The following SPOCD1 variants were observed in gnomAD, a reference collection of about 807,000 sequenced individuals.
SPOCD1 encodes the protein SPOC domain containing 1.
In SPOCD1, 64 loss-of-function variants were observed where a neutral mutation model predicts 92.2. That is an observed-to-expected ratio of 0.69 (90% CI 0.57 to 0.86). The LOEUF is 0.86. Ranked by LOEUF, SPOCD1 falls within the 40% of genes least tolerant of loss-of-function variation. The pLI is 0.00. For missense variants in SPOCD1, 1,360 were observed against 1,543.1 expected, an observed-to-expected ratio of 0.88 and a Z score of 1.99; for synonymous variants, 578 against 619.3, an observed-to-expected ratio of 0.93 and a Z score of 0.99.
chr1:31,809,437 G>A (rs1030556582), intron 2 of SPOCD1, among the ~76,000 whole-genome samples: 1 of 151,386 alleles, frequency 6.6e-6, no homozygotes, highest in South Asian at 2.1e-4. Flanking sequence ...CTATAACCTG[G>A]CAATTCCACC....
chr1:31,800,310 A>T, intron 4 of SPOCD1, 131 bp downstream of exon 4: 1 of 1,424,572 alleles, frequency 7.0e-7, no homozygotes, highest in Non-Finnish European at 9.4e-7. Context: ...CTGGGGCCGA[A>T]CCCTGCCTCT....
At position 31,790,600 on chromosome 1, in the gene SPOCD1, G is replaced by A. The variant is rs1222704024; in HGVS notation, c.*3C>T. 1 of 1,551,360 alleles carries A rather than the reference G, an allele frequency of 6.4e-7. No individual in the cohort carries two copies. The highest frequency in any genetic ancestry group is 2.4e-5 in the East Asian group (1 of 40,924). ...AAACCCCTGTTCTGGTGGGTAAGGA[G>A]GGTCAGGCCTTTCTAGGGAAGGGAC... is the stretch of plus-strand genomic sequence containing the variant. On this transcript the variant is annotated 3_prime_UTR_variant, in exon 16 of 16. Transcript: ENST00000360482.
In SPOCD1 at chr1:31,800,153, G is replaced by C. The variant is rs1198891077; in HGVS notation, c.1603-12C>G. On this transcript the variant is annotated splice_polypyrimidine_tract_variant and intron_variant, in intron 4 of 15. Coordinates refer to ENST00000360482, the MANE Select transcript of SPOCD1 (RefSeq NM_144569.7). Reference sequence around the variant, plus strand: ...GAAGGCTGGAAAACCTTGGGGCAGGGAGCAGACAAGCTATTGGCCGGAAAT... The same window carrying C: ...GAAGGCTGGAAAACCTTGGGGCAGGCAGCAGACAAGCTATTGGCCGGAAAT... 1 of 1,586,794 alleles carries C rather than the reference G, an allele frequency of 6.3e-7. No individual in the cohort carries two copies. The highest frequency in any genetic ancestry group is 8.6e-7 in the Non-Finnish European group (1 of 1,168,236).
At chr1:31,799,684 A>G in intron 6 of SPOCD1, 125 bp downstream of exon 6, 2 of 1,296,438 alleles carry the variant, frequency 1.5e-6, no homozygotes, top group Non-Finnish European at 2.2e-6. Flanking sequence ...GGGAGGAGCT[A>G]TAGGCTGATG....
chr1:31,814,365 T>C lies in SPOCD1; in HGVS notation c.969A>G (p.Pro323=). Reference sequence around the variant, plus strand: ...CCCCCAGGCACAGTGCTGCGCTCTGTGGAGGAGCCTGTGCAGCTGAACTGA... The same window carrying C: ...CCCCCAGGCACAGTGCTGCGCTCTGCGGAGGAGCCTGTGCAGCTGAACTGA... The part of the protein sequence containing the change: ...ESLSSAAQAP[P]QSAALCLGAS... The change falls in exon 2 of 16, where the codon CCA becomes CCG. Residue 323 remains proline, a synonymous_variant. Transcript: ENST00000360482. This position sits in a 1 kb window ranked among gnomAD's most constrained non-coding sequence, Gnocchi z 4.2. The C allele has an allele frequency of 1.2e-6, 2 of 1,604,688 alleles. No homozygotes were observed. Among genetic ancestry groups the C allele is most frequent in the Non-Finnish European group, 8.5e-7 (1 of 1,174,792 alleles).
At position 31,799,473 on chromosome 1, in the gene SPOCD1, T is replaced by C. The variant is rs375033753; in HGVS notation, c.1796A>G (p.Gln599Arg). 1.9e-5 allele frequency: 30 copies of C among 1,611,098 alleles called. No individual in the cohort carries two copies. The Middle Eastern group carries it at 9.9e-4, about 53-fold the overall frequency. Residue 599 changes from glutamine (Q) to arginine (R), a missense_variant, in exon 7 of 16, where the codon CAG becomes CGG. By Grantham distance (43) the Gln-to-Arg change is conservative. Coordinates refer to ENST00000360482, the MANE Select transcript of SPOCD1 (RefSeq NM_144569.7). ...EQPEDSAQLQ[Q>R]EKPSLYIGVR... ...CCCAATATACAGGGATGGCTTCTCCTGTTGGAGCTGAGCTGTAGGGAGAGA... is the reference window on the plus strand; with the variant it reads ...CCCAATATACAGGGATGGCTTCTCCCGTTGGAGCTGAGCTGTAGGGAGAGA...
chr1:31,800,447 C>A lies in SPOCD1; in HGVS notation c.1596G>T (p.Gly532=), dbSNP rs778358051. 8.2e-6 allele frequency: 13 copies of A among 1,585,902 alleles called. No individual in the cohort carries two copies. The South Asian group carries it at 1.5e-4, about 18-fold the overall frequency. Reference sequence around the variant, plus strand: ...GACATCACTTGTTCTGTACCTGGCACCCAGCAGGGCCCTGCACCATGGGCC... The same window carrying A: ...GACATCACTTGTTCTGTACCTGGCAACCAGCAGGGCCCTGCACCATGGGCC... The part of the protein sequence containing the change: ...KKRPMVQGPA[G]CQVFQPSPSG... Residue 532 remains glycine (G), a synonymous_variant, in exon 4 of 16, where the codon GGG becomes GGT. Transcript: ENST00000360482.
chr1:31,796,467 T>C (rs1286650689), intron 10 of SPOCD1, 123 bp downstream of exon 10: 5 of 1,485,044 alleles, frequency 3.4e-6, no homozygotes, highest in African/African-American at 1.4e-5. Context: ...CCCCGTTTTA[T>C]CACAAACAAG....
chr1:31,812,983 G>A (rs920407052), intron 2 of SPOCD1, among the ~76,000 whole-genome samples: 4 of 152,216 alleles, frequency 2.6e-5, no homozygotes, highest in African/African-American at 7.2e-5. Flanking sequence ...GTCTTCTTCT[G>A]CCTTTGGTGT....
intron 12 of SPOCD1, 56 bp downstream of exon 12, chr1:31,793,691 G>T: frequency 5.0e-6 from 8 of 1,611,414 alleles, no homozygotes; most frequent in Non-Finnish European, 6.8e-6. Context: ...GCACCAGGTG[G>T]TGGCCTCCCC....
Position 31,800,532 on chromosome 1 carries a change from A to G in SPOCD1, c.1511T>C (p.Leu504Pro). 9.9e-6 allele frequency: 16 copies of G among 1,612,488 alleles called. No homozygotes were observed. The highest frequency in any genetic ancestry group is 1.4e-5 in the Non-Finnish European group (16 of 1,179,448). Residue 504 changes from leucine (L) to proline (P), a missense_variant, in exon 4 of 16, where the codon CTA (leucine) becomes CCA (proline). Physicochemically the swap from Leu to Pro is moderately conservative, Grantham distance 98. This residue lies in a region of SPOCD1 where 606 missense variants were observed against 601.5 expected (regional missense o/e 1.01). Transcript: ENST00000360482. The part of the protein sequence containing the change: ...GGQLPPKLEV[L>P]EDLMEVSSPS... ...TGAGCTGACCTCCATCAAGTCCTCTAGAACCTCCAGCTTTGGTGGCAGCTG... is the reference window on the plus strand; with the variant it reads ...TGAGCTGACCTCCATCAAGTCCTCTGGAACCTCCAGCTTTGGTGGCAGCTG...
chr1:31,810,160 C>T (rs1649106096), intron 2 of SPOCD1, among the ~76,000 whole-genome samples: 1 of 152,072 alleles, frequency 6.6e-6, no homozygotes, highest in Non-Finnish European at 1.5e-5. Context: ...TCTCCTCCCA[C>T]TAGACTGTAA....
In SPOCD1 at chr1:31,793,337, T is replaced by C; in HGVS notation, c.2626A>G (p.Ile876Val). 2 of 1,591,746 alleles carry C rather than the reference T, an allele frequency of 1.3e-6. No individual in the cohort carries two copies. Among genetic ancestry groups the C allele is most frequent in the Non-Finnish European group, 1.7e-6 (2 of 1,169,114 alleles). Residue 876 changes from isoleucine (I) to valine (V), a missense_variant, in exon 13 of 16, where the codon ATC becomes GTC. Ile to Val is a conservative substitution (Grantham distance 29, BLOSUM62 3). Transcript: ENST00000360482. ...TGGGCCCTGGCCCGGAACCGCTTGA[T>C]GGAGAACATGTCCAGAACACCTTCC... ...PWEGVLDMFSIKRFRARAQLV... is the reference protein window; with the variant it reads ...PWEGVLDMFSVKRFRARAQLV...
In SPOCD1 at chr1:31,800,428, A is replaced by G. The variant is rs1310833019; in HGVS notation, c.1602+13T>C. The G allele has an allele frequency of 4.5e-6, 7 of 1,555,208 alleles. No individual in the cohort carries two copies. Among genetic ancestry groups the G allele is most frequent in the Non-Finnish European group, 6.1e-6 (7 of 1,146,760 alleles). Reference sequence around the variant, plus strand: ...TCTCTCAGCAGGATTAAATGACATCACTTGTTCTGTACCTGGCACCCAGCA... The same window carrying G: ...TCTCTCAGCAGGATTAAATGACATCGCTTGTTCTGTACCTGGCACCCAGCA... On this transcript the variant is annotated intron_variant, in intron 4 of 15. Coordinates refer to ENST00000360482, the MANE Select transcript of SPOCD1 (RefSeq NM_144569.7).
At chr1:31,800,707 C>T in intron 3 of SPOCD1, 90 bp from the exon 4 acceptor site, 1 of 1,134,210 alleles carries the variant, frequency 8.8e-7, no homozygotes. Flanking sequence ...TGTTGAACAT[C>T]TCTCTCCCAC....
intron 2 of SPOCD1, among the ~76,000 whole-genome samples, chr1:31,811,098 A>G (rs1401698390): frequency 6.6e-6 from 1 of 152,210 alleles, no homozygotes; most frequent in Non-Finnish European, 1.5e-5. Flanking sequence ...GACTCCTGGC[A>G]GTTCTGGGGC....
chr1:31,795,107 T>A (rs367694999), intron 10 of SPOCD1: 4 of 152,358 alleles, frequency 2.6e-5, no homozygotes, highest in South Asian at 4.1e-4. Context: ...AGGACAAGAT[T>A]TCAGAAGCAG....
At chr1:31,794,052 T>C (rs1570151499) in intron 11 of SPOCD1, 72 bp downstream of exon 11, 7 of 1,540,436 alleles carry the variant, frequency 4.5e-6, no homozygotes, top group Non-Finnish European at 6.2e-6. Flanking sequence ...CACAAATCCC[T>C]GTTGCTGCTG....
intron 10 of SPOCD1, chr1:31,796,117 T>G: frequency 3.9e-6 from 1 of 256,050 alleles, no homozygotes; most frequent in Non-Finnish European, 7.8e-6. Flanking sequence ...GCTTCCCAGG[T>G]CTGAGGACAA....
Sources: allele counts gnomAD v4.1 joint callset (sites outside exome capture counted in the v4.1 genomes callset), GRCh38; gene constraint gnomAD v4.1.1; regional missense constraint gnomAD v4.1.1; non-coding constraint Gnocchi (gnomAD v3.1); transcripts MANE v1.5; gene names NCBI Gene and HGNC (gene_info 2026-07-23, HGNC 2026-07-21).